Variants in MGST1 observed in about 807,000 individuals in gnomAD.
MGST1 encodes microsomal glutathione S-transferase 1, also known as glutathione S-transferase 12.
Under a neutral mutation model 8.9 loss-of-function variants are expected in MGST1, and 5 were observed. The ratio of observed to expected loss-of-function variants is 0.56; its 90% CI spans 0.29 to 1.19. MGST1 has a LOEUF of 1.19. MGST1 is among the 50% of genes most tolerant of loss of function. The pLI is 0.08. For synonymous variants in MGST1, 54 were observed against 67.8 expected (o/e 0.80, Z 1.00); for missense variants, 182 against 187.4 (o/e 0.97, Z 0.17).
chr12:16,564,791 T>A (rs924536912), intron 4 of MGST1, among the ~76,000 whole-genome samples: 3 of 152,156 alleles, frequency 2.0e-5, no homozygotes, highest in Non-Finnish European at 4.4e-5. Context: ...TGCATAAATT[T>A]AGAAGTTATT....
At chr12:16,392,978 C>T (rs10846354) in intron 1 of MGST1, among the ~76,000 whole-genome samples, 59,155 of 151,888 alleles carry the variant, frequency 0.39, 11,620 homozygotes, top group East Asian at 0.53. Context: ...AATGCACTCC[C>T]AGCTCAAGTT....
At chr12:16,366,451 A>G (rs1024839), downstream of MGST1, among the ~76,000 whole-genome samples, 57,725 of 151,930 alleles carry the variant, frequency 0.38, 11,089 homozygotes, top group East Asian at 0.51. The surrounding 1 kb of genome is among the most constrained non-coding windows in gnomAD (Gnocchi z 4.0). Flanking sequence ...AATTGGCTCT[A>G]GAGTGAAGTC....
rs1035307072 is a variant in MGST1, at chr12:16,576,776, A to G, written n.483-12752A>G. On this transcript the variant is annotated intron_variant and non_coding_transcript_variant, in intron 4 of 4. Coordinates refer to the MGST1 transcript ENST00000538857. This position sits in a 1 kb window ranked among gnomAD's most constrained non-coding sequence, Gnocchi z 4.1. ...ACTGCATACAGGGATTTTACTTATGACCCCTAGATTAGTACCATCTATTTT... is the reference window on the plus strand; with the variant it reads ...ACTGCATACAGGGATTTTACTTATGGCCCCTAGATTAGTACCATCTATTTT... Among the ~76,000 whole-genome samples the G allele has an allele frequency of 6.6e-6, 1 of 152,172 alleles. No homozygotes were observed. The highest frequency in any genetic ancestry group is 2.4e-5 in the African/African-American group (1 of 41,438).
At chr12:16,504,193 A>G (rs572478601) in intron 4 of MGST1, among the ~76,000 whole-genome samples, 5 of 143,870 alleles carry the variant, frequency 3.5e-5, no homozygotes, top group Admixed American at 1.5e-4. Flanking sequence ...AAACACTACA[A>G]CCACAACTGG....
chr12:16,376,793 A>G (rs1055482623), exon 4 of MGST1: 3 of 152,116 alleles, frequency 2.0e-5, no homozygotes, highest in African/African-American at 7.2e-5. Flanking sequence ...TTTTAAAGAA[A>G]TACCTCTGAA....
intron 4 of MGST1, among the ~76,000 whole-genome samples, chr12:16,461,917 G>A (rs753371393): frequency 2.0e-5 from 3 of 152,042 alleles, no homozygotes; most frequent in Admixed American, 2.0e-4. Flanking sequence ...TAGTTGGCTT[G>A]AAATAGCTAT....
downstream of MGST1, among the ~76,000 whole-genome samples, chr12:16,365,557 C>T (rs572131492): frequency 1.8e-4 from 28 of 152,278 alleles, no homozygotes; most frequent in African/African-American, 6.3e-4. Context: ...CAATTGACTA[C>T]GTAGAATTCC....
chr12:16,484,694 TAGTGTCATGAGA>T (rs910794751), intron 4 of MGST1, among the ~76,000 whole-genome samples: 52 of 152,034 alleles, frequency 3.4e-4, no homozygotes, highest in African/African-American at 9.4e-4. Context: ...CGTGAGAACT[TAGTGTCATGAGA>T]AGTGTCATGA....
exon 2 of MGST1, chr12:16,437,931 T>G (rs142195368): frequency 1.7e-4 from 26 of 152,064 alleles, no homozygotes; most frequent in African/African-American, 6.0e-4. Context: ...CCTCTAAGTC[T>G]CAGATTATCC....
At chr12:16,436,577 A>G (rs929655) in intron 1 of MGST1, among the ~76,000 whole-genome samples, 6 of 152,016 alleles carry the variant, frequency 3.9e-5, no homozygotes, top group African/African-American at 9.7e-5. Context: ...CAGTAAAAGG[A>G]AGTATTTCAG....
At chr12:16,421,613 A>C (rs1167862188) in intron 1 of MGST1, among the ~76,000 whole-genome samples, 1 of 152,140 alleles carries the variant, frequency 6.6e-6, no homozygotes, top group African/African-American at 2.4e-5. Flanking sequence ...TTGCCTTTAC[A>C]AGGCTGTTCC....
chr12:16,387,048 A>G (rs1940509775), intron 1 of MGST1, among the ~76,000 whole-genome samples: 2 of 152,178 alleles, frequency 1.3e-5, no homozygotes, highest in African/African-American at 4.8e-5. Flanking sequence ...TAATTGTTCT[A>G]TTTTATTATT....
At position 16,363,849 on chromosome 12, in the gene MGST1, G is replaced by T. The variant is rs1469943098; in HGVS notation, c.276G>T (p.Leu92=). Residue 92 remains leucine, a synonymous_variant, in exon 4 of 4, where the codon CTG becomes CTT. Transcript: ENST00000396210. The surrounding 1 kb of genome is among the most constrained non-coding windows in gnomAD (Gnocchi z 4.6). The part of the protein sequence containing the change: ...NIIPFLGIGL[L]YSLSGPDPST... Reference sequence around the variant, plus strand: ...TTCCATTTCTTGGAATTGGCCTCCTGTATTCCTTGAGTGGTCCCGACCCCT... The same window carrying T: ...TTCCATTTCTTGGAATTGGCCTCCTTTATTCCTTGAGTGGTCCCGACCCCT... The T allele has an allele frequency of 2.5e-6, 4 of 1,613,184 alleles. No homozygotes were observed. The highest frequency in any genetic ancestry group is 3.4e-6 in the Non-Finnish European group (4 of 1,179,320).
intron 4 of MGST1, among the ~76,000 whole-genome samples, chr12:16,531,265 GA>G (rs1215313056): frequency 1.3e-5 from 2 of 148,312 alleles, no homozygotes; most frequent in East Asian, 2.0e-4. Context: ...ATTTAACACT[GA>G]AAAAAAGAGA....
At chr12:16,469,274 C>A (rs1217534047) in intron 4 of MGST1, among the ~76,000 whole-genome samples, 2 of 143,510 alleles carry the variant, frequency 1.4e-5, no homozygotes, top group East Asian at 4.1e-4. Flanking sequence ...CAACCTCTGT[C>A]TCCAGGGGTC....
chr12:16,484,767 C>G (rs1484978947), intron 4 of MGST1, among the ~76,000 whole-genome samples: 1 of 152,170 alleles, frequency 6.6e-6, no homozygotes, highest in Non-Finnish European at 1.5e-5. Flanking sequence ...CCCACCAGGC[C>G]TGTCCTCCAA....
At chr12:16,577,933 C>A (rs545444058) in intron 4 of MGST1, among the ~76,000 whole-genome samples, 2 of 152,260 alleles carry the variant, frequency 1.3e-5, no homozygotes, top group East Asian at 3.9e-4. Context: ...AAATAATTAT[C>A]CATTATTTAT....
At chr12:16,470,055 A>T (rs1429392003) in intron 4 of MGST1, among the ~76,000 whole-genome samples, 4 of 152,178 alleles carry the variant, frequency 2.6e-5, no homozygotes, top group African/African-American at 9.7e-5. Context: ...AATATTGTAC[A>T]TATTCTAGTG....
At chr12:16,378,913 T>A (rs998561767), downstream of MGST1, among the ~76,000 whole-genome samples, 1 of 152,098 alleles carries the variant, frequency 6.6e-6, no homozygotes, top group Non-Finnish European at 1.5e-5. Context: ...GAAGCAATTG[T>A]GAATGGGAGT....
Sources: gnomAD v4.1 joint callset for allele counts (sites outside exome capture counted in the v4.1 genomes callset) on GRCh38, gnomAD v4.1.1 for gene constraint, Gnocchi (gnomAD v3.1) non-coding constraint, MANE v1.5 for transcripts, NCBI Gene and HGNC (gene_info 2026-07-23, HGNC 2026-07-21) for gene names.